LPP: variants seen among roughly 807,000 people sequenced by gnomAD.
The protein encoded by LPP is LIM domain containing preferred translocation partner in lipoma, also known as lipoma-preferred partner.
A neutral mutation model predicts 60.4 loss-of-function variants in LPP; 38 were observed. The ratio of observed to expected loss-of-function variants is 0.63; its 90% CI spans 0.49 to 0.83. The LOEUF (loss-of-function observed/expected upper bound fraction) is 0.83, where lower values mean the gene tolerates loss of function less well. Ranked by LOEUF, LPP falls within the 40% of genes least tolerant of loss-of-function variation. The pLI is 0.00. For synonymous variants in LPP, 328 were observed against 290.8 expected, an observed-to-expected ratio of 1.13 and a Z score of -1.30; for missense variants, 902 against 783.6, an observed-to-expected ratio of 1.15 and a Z score of -1.80.
chr3:188,830,278 T>C (rs192294854), intron 9 of LPP, among the ~76,000 whole-genome samples: 2 of 145,174 alleles, frequency 1.4e-5, no homozygotes, highest in Non-Finnish European at 3.0e-5. Flanking sequence ...TTAAAACTTA[T>C]AGGCTGAAAA....
chr3:188,549,429 G>A (rs1429628478), intron 6 of LPP, among the ~76,000 whole-genome samples: 1 of 152,054 alleles, frequency 6.6e-6, no homozygotes, highest in Non-Finnish European at 1.5e-5. Context: ...TTGGTCTGGT[G>A]CCATTGAGCC....
At chr3:188,253,284 C>A (rs1025534286) in intron 2 of LPP, among the ~76,000 whole-genome samples, 1 of 152,018 alleles carries the variant, frequency 6.6e-6, no homozygotes, top group Non-Finnish European at 1.5e-5. Flanking sequence ...AGAATCATTT[C>A]TTTTATTGCT....
intron 4 of LPP, among the ~76,000 whole-genome samples, chr3:188,414,497 T>C (rs1785656139): frequency 6.6e-6 from 1 of 152,072 alleles, no homozygotes; most frequent in Non-Finnish European, 1.5e-5. Context: ...TATGTGATAA[T>C]ATAAGTATAA....
chr3:188,300,797 G>T (rs1297115797), intron 2 of LPP, among the ~76,000 whole-genome samples: 4 of 152,106 alleles, frequency 2.6e-5, no homozygotes, highest in Non-Finnish European at 5.9e-5. Flanking sequence ...TTTGCTCAAA[G>T]AGTTCATTTT....
chr3:188,250,734 C>CTT (rs1460102007), intron 2 of LPP, among the ~76,000 whole-genome samples: 22 of 80,540 alleles, frequency 2.7e-4, no homozygotes, highest in East Asian at 1.7e-3. Context: ...CTCTTTCTTT[C>CTT]TTTCTTTCTT....
intron 1 of LPP, among the ~76,000 whole-genome samples, chr3:188,224,461 A>T (rs1386048101): frequency 6.6e-6 from 1 of 152,198 alleles, no homozygotes; most frequent in Non-Finnish European, 1.5e-5. Context: ...AATCATTAGC[A>T]AAACAATAAT....
At position 188,252,075 on chromosome 3, in the gene LPP, TACAC is replaced by T. The variant is rs1187257468; in HGVS notation, c.-67+26562_-67+26565del. Among the ~76,000 whole-genome samples, 143 of 58,484 alleles carry T rather than the reference TACAC, an allele frequency of 2.4e-3. 1 individual carries two copies. Among genetic ancestry groups the T allele is most frequent in the East Asian group, 4.6e-3 (8 of 1,752 alleles). The allele number at this position is 58,484 out of a possible 152,430, so 38.4% of individuals were successfully genotyped here. On this transcript the variant is annotated intron_variant, in intron 2 of 11. Coordinates refer to ENST00000617246, the MANE Select transcript of LPP (RefSeq NM_001375462.1). ...ATATATATATATATATATATATATATACACACACACACACACATATATCAGATTA... is the reference window on the plus strand; with the variant it reads ...ATATATATATATATATATATATATATACACACACACACATATATCAGATTA...
intron 4 of LPP, among the ~76,000 whole-genome samples, chr3:188,411,601 T>C (rs779399887): frequency 1.3e-4 from 20 of 152,218 alleles, no homozygotes; most frequent in Non-Finnish European, 5.9e-5. Context: ...GATAAGATAA[T>C]GCAATTTTTC....
chr3:188,547,122 A>G (rs1281597397), intron 6 of LPP, among the ~76,000 whole-genome samples: 1 of 152,174 alleles, frequency 6.6e-6, no homozygotes, highest in Non-Finnish European at 1.5e-5. Flanking sequence ...ATTTAAGCAT[A>G]TATATTACAG....
chr3:188,237,904 C>A (rs989542863), intron 2 of LPP, among the ~76,000 whole-genome samples: 2 of 152,210 alleles, frequency 1.3e-5, no homozygotes, highest in African/African-American at 4.8e-5. Flanking sequence ...TCCTTTGAAG[C>A]TTTGAAGCCA....
intron 7 of LPP, among the ~76,000 whole-genome samples, chr3:188,679,547 GTGTGT>G (rs1005443104): frequency 6.0e-5 from 9 of 150,586 alleles, no homozygotes; most frequent in African/African-American, 2.2e-4. Context: ...GTGTGTGTGT[GTGTGT>G]GTGTGTGTGT....
intron 9 of LPP, among the ~76,000 whole-genome samples, chr3:188,780,459 C>G (rs934542494): frequency 6.6e-6 from 1 of 152,104 alleles, no homozygotes; most frequent in African/African-American, 2.4e-5. Flanking sequence ...TTCATAAGCA[C>G]AAGTGGGAGA....
intron 7 of LPP, among the ~76,000 whole-genome samples, chr3:188,704,984 C>T (rs1342597805): frequency 6.6e-6 from 1 of 152,130 alleles, no homozygotes; most frequent in Non-Finnish European, 1.5e-5. Context: ...CACCAAACTA[C>T]GTCTCAACTT....
chr3:188,615,110 G>T (rs987957839), intron 7 of LPP, among the ~76,000 whole-genome samples: 1 of 152,084 alleles, frequency 6.6e-6, no homozygotes, highest in African/African-American at 2.4e-5. Context: ...TCTTTCTATG[G>T]TACCTTATCA....
chr3:188,304,130 G>A (rs908329070), intron 2 of LPP, among the ~76,000 whole-genome samples: 2 of 152,094 alleles, frequency 1.3e-5, no homozygotes, highest in Non-Finnish European at 2.9e-5. Context: ...TATAATAAAT[G>A]TATCAAATTT....
intron 2 of LPP, among the ~76,000 whole-genome samples, chr3:188,328,633 G>A (rs1481833455): frequency 6.6e-6 from 1 of 152,058 alleles, no homozygotes; most frequent in African/African-American, 2.4e-5. Context: ...TAAAAATGAT[G>A]TTCCATGAAA....
intron 5 of LPP, among the ~76,000 whole-genome samples, chr3:188,489,414 TG>T (rs1246373784): frequency 2.0e-5 from 3 of 152,162 alleles, no homozygotes; most frequent in African/African-American, 7.2e-5. Context: ...TGAACTTTGA[TG>T]GCTGGGTGGG....
chr3:188,864,026 C>T (rs1331690553), intron 9 of LPP, among the ~76,000 whole-genome samples: 1 of 147,958 alleles, frequency 6.8e-6, no homozygotes, highest in Non-Finnish European at 1.5e-5. Context: ...AATTTCCAGC[C>T]ACATTAGCTC....
At chr3:188,594,011 T>C (rs991226302) in intron 6 of LPP, among the ~76,000 whole-genome samples, 1 of 152,206 alleles carries the variant, frequency 6.6e-6, no homozygotes, top group African/African-American at 2.4e-5. Context: ...GATGTTTTGA[T>C]ACTCTTCTAT....
Sources: allele counts gnomAD v4.1 joint callset (sites outside exome capture counted in the v4.1 genomes callset), GRCh38; gene constraint gnomAD v4.1.1; transcripts MANE v1.5; gene names NCBI Gene and HGNC (gene_info 2026-07-23, HGNC 2026-07-21).